DGKI: variants seen among roughly 807,000 people sequenced by gnomAD.
The protein encoded by DGKI is DAG kinase iota.
In DGKI, 55 loss-of-function variants were observed where a neutral mutation model predicts 147.5. The ratio of observed to expected loss-of-function variants is 0.37; its 90% CI spans 0.30 to 0.47. The LOEUF is 0.47. Ranked by LOEUF, DGKI falls within the 20% of genes least tolerant of loss-of-function variation. DGKI has a pLI of 1.00. For missense variants in DGKI, 1,007 were observed against 1,323.8 expected (o/e 0.76, Z 3.71); for synonymous variants, 469 against 477.1 (o/e 0.98, Z 0.22).
intron 1 of DGKI, among the ~76,000 whole-genome samples, chr7:137,802,192 A>G (rs1322752057): frequency 6.6e-6 from 1 of 152,124 alleles, no homozygotes; most frequent in Non-Finnish European, 1.5e-5. Flanking sequence ...AGCTATGAGG[A>G]GGCAAAGACA....
intron 1 of DGKI, among the ~76,000 whole-genome samples, chr7:137,833,855 A>C (rs560388521): frequency 6.6e-6 from 1 of 152,340 alleles, no homozygotes; most frequent in Admixed American, 6.5e-5. Flanking sequence ...TCAAGGCTAC[A>C]CACAAGAGGA....
intron 21 of DGKI, among the ~76,000 whole-genome samples, chr7:137,501,316 C>T (rs184005070): frequency 1.8e-4 from 28 of 152,286 alleles, no homozygotes; most frequent in Admixed American, 3.3e-4. Flanking sequence ...ATGAATACTG[C>T]TGTAATAAAC....
In DGKI at chr7:137,391,217, G is replaced by C; in HGVS notation, c.*3C>G. ...TCATGTCCTCTTTGCCCGAATACCA[G>C]GGTCAAACAGCAGTTTCCAGGTCCT... is the stretch of plus-strand genomic sequence containing the variant. On this transcript the variant is annotated 3_prime_UTR_variant, in exon 33 of 33. Transcript: ENST00000614521. The C allele has an allele frequency of 6.2e-7, 1 of 1,611,528 alleles. No individual in the cohort carries two copies. The highest frequency in any genetic ancestry group is 8.5e-7 in the Non-Finnish European group (1 of 1,177,750).
chr7:137,787,416 A>G (rs930476447), intron 1 of DGKI, among the ~76,000 whole-genome samples: 14 of 152,328 alleles, frequency 9.2e-5, no homozygotes, highest in African/African-American at 3.4e-4. Context: ...TTGCATTTTG[A>G]TACGACCTTA....
chr7:137,827,545 C>T (rs1464731136), intron 1 of DGKI, among the ~76,000 whole-genome samples: 4 of 152,220 alleles, frequency 2.6e-5, no homozygotes, highest in Admixed American at 6.5e-5. Flanking sequence ...ATCCTACCAA[C>T]TCTTTAAAGT....
intron 28 of DGKI, among the ~76,000 whole-genome samples, chr7:137,439,632 G>T (rs937398384): frequency 3.3e-5 from 5 of 152,204 alleles, no homozygotes; most frequent in African/African-American, 7.2e-5. Flanking sequence ...TGGGGACACA[G>T]CCAAACCATA....
rs949761878 is a variant in DGKI at position 137,387,237 on chromosome 7, A to G, written c.*3983T>C. On this transcript the variant is annotated 3_prime_UTR_variant, in exon 33 of 33. Transcript: ENST00000614521. ...TACTTGAAATACAAACATAGCATAG[A>G]TAAGTCTTGGGGCTATGGTAGGTTT... 5 of 152,154 alleles carry G rather than the reference A, an allele frequency of 3.3e-5. No homozygotes were observed. Among genetic ancestry groups the G allele is most frequent in the Admixed American group, 6.6e-5 (1 of 15,254 alleles). 9.4% of individuals were successfully genotyped at this position (152,154 alleles called of 1,614,324 possible).
chr7:137,672,916 C>A (rs554259462), intron 3 of DGKI, among the ~76,000 whole-genome samples: 1 of 151,670 alleles, frequency 6.6e-6, no homozygotes. Flanking sequence ...GTAATGCCGC[C>A]GGGATTGCAG....
At chr7:137,424,763 C>T (rs146496471) in intron 28 of DGKI, among the ~76,000 whole-genome samples, 3,614 of 152,298 alleles carry the variant, frequency 0.024, 85 homozygotes, top group African/African-American at 0.064. Context: ...GAGGGTCCTA[C>T]GCCCACGGAA....
chr7:137,577,541 T>A (rs1317172923), intron 16 of DGKI, among the ~76,000 whole-genome samples: 1 of 152,148 alleles, frequency 6.6e-6, no homozygotes, highest in Admixed American at 6.5e-5. Context: ...ATTCTGAGGG[T>A]CATTGGAAGG....
chr7:137,576,549 C>A lies in DGKI; in HGVS notation c.1761+673G>T, dbSNP rs117916648. On this transcript the variant is annotated intron_variant, in intron 17 of 32. Coordinates refer to ENST00000614521, the MANE Select transcript of DGKI (RefSeq NM_001321708.2). ...GGAAACATTAATGTTTTTCTTAATA[C>A]CTAATTTTATTCTATTTTTGAATGT... Among the ~76,000 whole-genome samples the A allele has an allele frequency of 1.2e-4, 19 of 152,128 alleles. 1 individual carries two copies. In the East Asian group the frequency reaches 3.5e-3, roughly 28 times the overall value.
chr7:137,822,040 G>T (rs1797919453), intron 1 of DGKI, among the ~76,000 whole-genome samples: 1 of 152,188 alleles, frequency 6.6e-6, no homozygotes, highest in Non-Finnish European at 1.5e-5. Context: ...TACAACCGCA[G>T]CTGGGTTTGA....
At chr7:137,528,064 T>C (rs1163811124) in intron 20 of DGKI, among the ~76,000 whole-genome samples, 1 of 152,164 alleles carries the variant, frequency 6.6e-6, no homozygotes, top group Non-Finnish European at 1.5e-5. Context: ...AATGAGTAAA[T>C]GAATGCAAGG....
At chr7:137,395,722 C>G in intron 31 of DGKI, 25 bp from the exon 32 acceptor site, 1 of 1,610,872 alleles carries the variant, frequency 6.2e-7, no homozygotes, top group Non-Finnish European at 8.5e-7. Flanking sequence ...AAATGGGAAA[C>G]CACCCATAAA....
chr7:137,588,013 T>G (rs939008846), intron 12 of DGKI, among the ~76,000 whole-genome samples: 7 of 152,226 alleles, frequency 4.6e-5, no homozygotes, highest in African/African-American at 1.7e-4. Context: ...GTCCTTATAA[T>G]GTCATACTAA....
At chr7:137,502,558 G>A (rs1036770860) in intron 21 of DGKI, among the ~76,000 whole-genome samples, 1 of 151,918 alleles carries the variant, frequency 6.6e-6, no homozygotes, top group Non-Finnish European at 1.5e-5. Flanking sequence ...AGGAGAAAGG[G>A]GAAGGGAGGG....
intron 1 of DGKI, among the ~76,000 whole-genome samples, chr7:137,803,708 C>T (rs562565988): frequency 2.0e-4 from 30 of 152,300 alleles, no homozygotes; most frequent in African/African-American, 7.2e-4. Flanking sequence ...AGTTTCACTT[C>T]CAGGAGCTTC....
At chr7:137,825,127 T>C (rs944511070) in intron 1 of DGKI, among the ~76,000 whole-genome samples, 2 of 152,214 alleles carry the variant, frequency 1.3e-5, no homozygotes, top group Admixed American at 1.3e-4. Context: ...TGCCACACTG[T>C]CTTCCACAAT....
chr7:137,465,869 C>A, intron 26 of DGKI, 39 bp downstream of exon 26: 8 of 1,605,170 alleles, frequency 5.0e-6, no homozygotes, highest in Non-Finnish European at 6.8e-6. Flanking sequence ...TGGATGTCAC[C>A]CTAAGGCCAG....
Sources: gnomAD v4.1 joint callset for allele counts (sites outside exome capture counted in the v4.1 genomes callset) on GRCh38, gnomAD v4.1.1 for gene constraint, MANE v1.5 for transcripts, NCBI Gene and HGNC (gene_info 2026-07-23, HGNC 2026-07-21) for gene names.